Variants in DHRSX observed in about 807,000 individuals in gnomAD.
The protein encoded by DHRSX is dehydrogenase/reductase X-linked, also known as polyprenol dehydrogenase.
DHRSX carries 31 observed loss-of-function variants against 34.0 expected under a neutral mutation model. That is an observed-to-expected ratio of 0.91 (90% CI 0.69 to 1.23). The LOEUF (loss-of-function observed/expected upper bound fraction) is 1.23, where lower values mean the gene tolerates loss of function less well. Among genes scored for constraint, DHRSX ranks in the 50% most tolerant of loss-of-function variants. The pLI is 0.00. For synonymous variants in DHRSX, 201 were observed against 183.8 expected (o/e 1.09, Z -0.76); for missense variants, 414 against 428.1 (o/e 0.97, Z 0.29).
intron 1 of DHRSX, among the ~76,000 whole-genome samples, chrX:2,480,495 A>G (rs866863231): frequency 1.4e-5 from 2 of 142,574 alleles, no homozygotes; most frequent in South Asian, 4.9e-4. Context: ...AAGCCTGGGC[A>G]ACATAATGAA....
intron 3 of DHRSX, among the ~76,000 whole-genome samples, chrX:2,355,786 G>A (rs1005092548): frequency 3.6e-4 from 55 of 152,080 alleles, no homozygotes; most frequent in African/African-American, 1.3e-3. Context: ...AGGAGACTCA[G>A]CTGGGTATGG....
intron 3 of DHRSX, among the ~76,000 whole-genome samples, chrX:2,346,770 G>C (rs149303900): frequency 0.011 from 1,701 of 151,942 alleles, 35 homozygotes; most frequent in African/African-American, 0.039. Context: ...ATCTACATTA[G>C]GTATTTCTCC....
chrX:2,263,284 G>A (rs907364770), intron 5 of DHRSX, among the ~76,000 whole-genome samples: 3 of 152,144 alleles, frequency 2.0e-5, no homozygotes, highest in Admixed American at 1.3e-4. Flanking sequence ...ATGAGGTCAC[G>A]ATGGGGGAGA....
intron 1 of DHRSX, among the ~76,000 whole-genome samples, chrX:2,469,699 C>T (rs1309484784): frequency 7.2e-5 from 11 of 151,994 alleles, no homozygotes; most frequent in Admixed American, 5.9e-4. Flanking sequence ...ACTAAGGGAC[C>T]GCCACCATGT....
chrX:2,419,871 T>G (rs1297911381), intron 2 of DHRSX, among the ~76,000 whole-genome samples: 3 of 150,632 alleles, frequency 2.0e-5, no homozygotes, highest in Non-Finnish European at 4.4e-5. Context: ...TAATGCTAAA[T>G]GACGAGTTAA....
intron 1 of DHRSX, among the ~76,000 whole-genome samples, chrX:2,484,310 TGAGA>T (rs2044824845): frequency 6.6e-6 from 1 of 152,152 alleles, no homozygotes; most frequent in Non-Finnish European, 1.5e-5. Context: ...ACTAAGTTGT[TGAGA>T]GACAGAGAAT....
rs533079169 is a variant in DHRSX at position 2,445,089 on chromosome X, A to G, written c.110-19785T>C. 3.0e-4 allele frequency among the ~76,000 whole-genome samples: 46 copies of G among 152,198 alleles called. No homozygotes were observed. In the East Asian group the frequency reaches 8.5e-3, roughly 28 times the overall value. Reference sequence around the variant, plus strand: ...GGGGAATTGCTTGAACCCAGGAGGTAGAGGTTACAGTGAGCCAAGATCGCA... The same window carrying G: ...GGGGAATTGCTTGAACCCAGGAGGTGGAGGTTACAGTGAGCCAAGATCGCA... On this transcript the variant is annotated intron_variant, in intron 1 of 6. Coordinates refer to ENST00000334651, the MANE Select transcript of DHRSX (RefSeq NM_145177.3).
chrX:2,453,634 G>A (rs899497362), intron 1 of DHRSX, among the ~76,000 whole-genome samples: 3 of 152,046 alleles, frequency 2.0e-5, no homozygotes, highest in African/African-American at 4.8e-5. Context: ...ACATGATGCT[G>A]TACTCCAGCC....
chrX:2,315,419 C>T (rs1335595835), intron 3 of DHRSX, among the ~76,000 whole-genome samples: 8 of 152,110 alleles, frequency 5.3e-5, no homozygotes, highest in Admixed American at 3.9e-4. Context: ...CATAAACAGA[C>T]TTAGACTAAG....
At position 2,475,854 on chromosome X, in the gene DHRSX, C is replaced by T. The variant is rs189776709; in HGVS notation, c.109+24963G>A. Reference sequence around the variant, plus strand: ...CTCTTCAGGGCACCTCCATGACTAGCCACAAACCCAGCTAGGAGAGCCACG... The same window carrying T: ...CTCTTCAGGGCACCTCCATGACTAGTCACAAACCCAGCTAGGAGAGCCACG... On this transcript the variant is annotated intron_variant, in intron 1 of 6. Transcript: ENST00000334651. Among the ~76,000 whole-genome samples, 431 of 152,274 alleles carry T rather than the reference C, an allele frequency of 2.8e-3. 5 individuals carry two copies. Among genetic ancestry groups the T allele is most frequent in the African/African-American group, 9.7e-3 (405 of 41,560 alleles).
At chrX:2,336,609 T>G (rs1336863868) in intron 3 of DHRSX, among the ~76,000 whole-genome samples, 5 of 151,694 alleles carry the variant, frequency 3.3e-5, no homozygotes, top group South Asian at 2.1e-4. Context: ...GTTTTGTTTT[T>G]TTTTTTTGAG....
intron 3 of DHRSX, among the ~76,000 whole-genome samples, chrX:2,331,464 T>TTTTTG (rs2042476129): frequency 3.1e-5 from 4 of 130,704 alleles, no homozygotes; most frequent in Admixed American, 2.4e-4. Flanking sequence ...TTTTTTTTTT[T>TTTTTG]GAGACGGAGT....
chrX:2,327,182 G>A (rs2042397754), intron 3 of DHRSX, among the ~76,000 whole-genome samples: 1 of 152,202 alleles, frequency 6.6e-6, no homozygotes, highest in Non-Finnish European at 1.5e-5. Flanking sequence ...CATGTACTCA[G>A]CCATTCCATC....
At chrX:2,250,398 CATAG>C (rs1371095288) in intron 5 of DHRSX, among the ~76,000 whole-genome samples, 1 of 151,950 alleles carries the variant, frequency 6.6e-6, no homozygotes, top group Non-Finnish European at 1.5e-5. Flanking sequence ...ATGTGTACTC[CATAG>C]ATGGAGCATC....
intron 3 of DHRSX, among the ~76,000 whole-genome samples, chrX:2,315,107 G>A (rs1388049947): frequency 6.6e-6 from 1 of 151,818 alleles, no homozygotes; most frequent in Non-Finnish European, 1.5e-5. Context: ...GCGGTGAGCT[G>A]AGATCACGCC....
At chrX:2,369,889 C>T (rs780481323) in intron 3 of DHRSX, among the ~76,000 whole-genome samples, 16 of 152,168 alleles carry the variant, frequency 1.1e-4, no homozygotes, top group East Asian at 5.8e-4. Context: ...GTGATCTGCC[C>T]GCCTTAGCCT....
In DHRSX at chrX:2,422,052, T is replaced by C. The variant is rs746447674; in HGVS notation, c.217+3145A>G. ...ACTCATGCTCTTATGCTTGAGCCTT[T>C]TGGGCTATCGCAAAGGCATTCAAGG... On this transcript the variant is annotated intron_variant, in intron 2 of 6. Coordinates refer to ENST00000334651, the MANE Select transcript of DHRSX (RefSeq NM_145177.3). Among the ~76,000 whole-genome samples, 8 of 152,284 alleles carry C rather than the reference T, an allele frequency of 5.3e-5. No individual in the cohort carries two copies. In the South Asian group the frequency reaches 1.0e-3, roughly 20 times the overall value.
chrX:2,467,275 G>A (rs957988616), intron 1 of DHRSX, among the ~76,000 whole-genome samples: 3 of 151,946 alleles, frequency 2.0e-5, no homozygotes, highest in Non-Finnish European at 2.9e-5. Flanking sequence ...ACAAATCCCC[G>A]AGACCTAATA....
At chrX:2,477,245 C>G (rs1376597576) in intron 1 of DHRSX, among the ~76,000 whole-genome samples, 1 of 152,068 alleles carries the variant, frequency 6.6e-6, no homozygotes, top group Non-Finnish European at 1.5e-5. Context: ...GAATGGGTAC[C>G]ACGACTTAGT....
Sources: allele counts gnomAD v4.1 joint callset (sites outside exome capture counted in the v4.1 genomes callset), GRCh38; gene constraint gnomAD v4.1.1; transcripts MANE v1.5; gene names NCBI Gene and HGNC (gene_info 2026-07-23, HGNC 2026-07-21).